LIMCH1: variants seen among roughly 807,000 people sequenced by gnomAD.
The protein encoded by LIMCH1 is LIM and calponin homology domains-containing protein 1.
In LIMCH1, 113 loss-of-function variants were observed where a neutral mutation model predicts 176.5. The observed-to-expected ratio is 0.64, with a 90% CI of 0.55 to 0.75. LIMCH1 has a LOEUF of 0.75. LIMCH1 is among the 30% of genes least tolerant of loss of function. The pLI is 0.00. For synonymous variants in LIMCH1, 619 were observed against 645.9 expected, an observed-to-expected ratio of 0.96 and a Z score of 0.63; for missense variants, 1,674 against 1,814.9, an observed-to-expected ratio of 0.92 and a Z score of 1.41.
At chr4:41,398,333 A>G (rs1391437756) in intron 1 of LIMCH1, among the ~76,000 whole-genome samples, 1 of 152,136 alleles carries the variant, frequency 6.6e-6, no homozygotes, top group East Asian at 1.9e-4. Context: ...GCAAATTGAG[A>G]CATCAATATT....
At chr4:41,462,716 A>G (rs1477892520) in intron 1 of LIMCH1, among the ~76,000 whole-genome samples, 2 of 152,188 alleles carry the variant, frequency 1.3e-5, no homozygotes, top group African/African-American at 4.8e-5. Flanking sequence ...ATTTACTTTT[A>G]TTAACATTGG....
intron 1 of LIMCH1, among the ~76,000 whole-genome samples, chr4:41,589,133 G>A (rs1315833656): frequency 1.3e-5 from 2 of 152,244 alleles, no homozygotes; most frequent in Non-Finnish European, 2.9e-5. Context: ...AATGGACTGA[G>A]AGAAAAGAGC....
intron 4 of LIMCH1, chr4:41,612,264 C>T: frequency 2.8e-6 from 1 of 361,980 alleles, no homozygotes; most frequent in Non-Finnish European, 4.9e-6. Context: ...AAAGGCACTT[C>T]CTGCAAAGGC....
intron 1 of LIMCH1, among the ~76,000 whole-genome samples, chr4:41,597,406 T>C (rs2089083647): frequency 6.6e-6 from 1 of 152,238 alleles, no homozygotes; most frequent in African/African-American, 2.4e-5. Context: ...TAGCAACTTA[T>C]TGCTATTGTT....
intron 1 of LIMCH1, among the ~76,000 whole-genome samples, chr4:41,470,136 A>G (rs1168827816): frequency 6.6e-6 from 1 of 152,164 alleles, no homozygotes; most frequent in Non-Finnish European, 1.5e-5. Context: ...CCCACTACCC[A>G]TGTATCAGTT....
rs1343789252 is a variant in LIMCH1, at chr4:41,664,371, C to G, written c.3291+1387C>G. ...AGTCAACAGTGAACATGATGCACTC[C>G]CTGGCCTTAGGAGCTGAGAATTCTG... On this transcript the variant is annotated intron_variant, in intron 20 of 31. Transcript: ENST00000503057. Among the ~76,000 whole-genome samples, 3 of 152,272 alleles carry G rather than the reference C, an allele frequency of 2.0e-5. No homozygotes were observed. The South Asian group carries it at 6.2e-4, about 32-fold the overall frequency.
chr4:41,468,968 C>A (rs1036949759), intron 1 of LIMCH1, among the ~76,000 whole-genome samples: 1 of 152,080 alleles, frequency 6.6e-6, no homozygotes, highest in Non-Finnish European at 1.5e-5. Context: ...ATTTTCAAAC[C>A]CTTCTTCCCA....
intron 1 of LIMCH1, among the ~76,000 whole-genome samples, chr4:41,446,993 C>G (rs1368876254): frequency 6.6e-6 from 1 of 152,190 alleles, no homozygotes; most frequent in Non-Finnish European, 1.5e-5. Flanking sequence ...CTTTGGGAGG[C>G]TGAGGCAGGC....
intron 1 of LIMCH1, among the ~76,000 whole-genome samples, chr4:41,424,217 G>A (rs2154132574): frequency 6.6e-6 from 1 of 152,070 alleles, no homozygotes. Context: ...CTCTGCTAAT[G>A]ATTCAAGCAG....
chr4:41,562,690 A>T (rs1487288409), intron 1 of LIMCH1, among the ~76,000 whole-genome samples: 1 of 152,196 alleles, frequency 6.6e-6, no homozygotes, highest in African/African-American at 2.4e-5. Context: ...TGTTTAAAAT[A>T]GGAAAGTTCA....
rs1284681134 is a variant in LIMCH1 at position 41,633,737 on chromosome 4, C to T, written c.2019C>T (p.Phe673=). 2.0e-6 allele frequency: 3 copies of T among 1,536,044 alleles called. No individual in the cohort carries two copies. The highest frequency in any genetic ancestry group is 2.6e-6 in the Non-Finnish European group (3 of 1,146,898). ...ACACTGGATCCAACCCAAACCAGTTCCTTCCAGTTCCATTTGCAAAGCAAC... is the reference window on the plus strand; with the variant it reads ...ACACTGGATCCAACCCAAACCAGTTTCTTCCAGTTCCATTTGCAAAGCAAC... The part of the protein sequence containing the change: ...LRHTGSNPNQ[F]LPVPFAKQQD... The change falls in exon 13 of 32, where the codon TTC becomes TTT. Residue 673 remains phenylalanine (F), a synonymous_variant. Coordinates refer to ENST00000503057, the MANE Select transcript of LIMCH1 (RefSeq NM_001330672.2).
chr4:41,663,133 T>TAGTG, intron 20 of LIMCH1, 149 bp downstream of exon 20: 6 of 571,554 alleles, frequency 1.0e-5, no homozygotes, highest in East Asian at 3.2e-5. Flanking sequence ...TTTTTCTTTT[T>TAGTG]CGTGTGTGTG....
intron 1 of LIMCH1, among the ~76,000 whole-genome samples, chr4:41,477,298 T>C (rs1257431809): frequency 6.6e-6 from 1 of 152,190 alleles, no homozygotes; most frequent in Non-Finnish European, 1.5e-5. Flanking sequence ...GGGTGGACTC[T>C]ATGGGCTTGG....
At chr4:41,442,553 A>G (rs895316627) in intron 1 of LIMCH1, among the ~76,000 whole-genome samples, 1 of 152,218 alleles carries the variant, frequency 6.6e-6, no homozygotes, top group African/African-American at 2.4e-5. Flanking sequence ...AGCTGATTTC[A>G]TGATAGTTGA....
rs145026016 is a variant in LIMCH1, at chr4:41,460,274, A to G, written c.97-34262A>G. On this transcript the variant is annotated intron_variant, in intron 1 of 26. Transcript: ENST00000313860. ...GCACTAGCTGTATTACAAATACTCA[A>G]TATTCACATGTGACTAGTGGCTACC... Among the ~76,000 whole-genome samples the G allele has an allele frequency of 7.0e-4, 106 of 152,042 alleles. No homozygotes were observed. In the East Asian group the frequency reaches 0.016, roughly 23 times the overall value.
intron 1 of LIMCH1, among the ~76,000 whole-genome samples, chr4:41,398,834 G>A (rs1448142802): frequency 6.6e-6 from 1 of 152,116 alleles, no homozygotes; most frequent in African/African-American, 2.4e-5. Flanking sequence ...GGATACTGAC[G>A]AAGACTTAAA....
intron 8 of LIMCH1, among the ~76,000 whole-genome samples, chr4:41,628,357 G>A (rs573865874): frequency 7.3e-5 from 11 of 151,330 alleles, no homozygotes; most frequent in South Asian, 4.2e-4. Context: ...CTGTGTTTGC[G>A]GACGCAGTTC....
intron 12 of LIMCH1, 33 bp from the exon 13 acceptor site, chr4:41,633,515 G>A (rs554651831): frequency 2.0e-6 from 3 of 1,530,954 alleles, no homozygotes; most frequent in Admixed American, 2.0e-5. Context: ...GCAGTAAGTG[G>A]CCTTTGACTG....
At chr4:41,663,493 C>A (rs1054771468) in intron 20 of LIMCH1, among the ~76,000 whole-genome samples, 6 of 152,068 alleles carry the variant, frequency 3.9e-5, no homozygotes. Flanking sequence ...CAATAATCAT[C>A]TATTTGTTAG....
Sources: allele counts gnomAD v4.1 joint callset (sites outside exome capture counted in the v4.1 genomes callset), GRCh38; gene constraint gnomAD v4.1.1; transcripts MANE v1.5; gene names NCBI Gene and HGNC (gene_info 2026-07-23, HGNC 2026-07-21).